Variants in DCAF8L2 observed in about 807,000 individuals in gnomAD.
DCAF8L2 encodes DDB1- and CUL4-associated factor 8-like protein 2.
For missense variants in DCAF8L2, 430 were observed against 490.7 expected, an observed-to-expected ratio of 0.88 and a Z score of 1.17; for synonymous variants, 200 against 190.9, an observed-to-expected ratio of 1.05 and a Z score of -0.39.
chrX:27,597,182 C>A (rs1926400971), intron 1 of DCAF8L2, among the ~76,000 whole-genome samples: 1 of 111,830 alleles, frequency 8.9e-6, no homozygotes, highest in African/African-American at 3.2e-5. Context: ...AAATCATATA[C>A]ATTTTACAAT....
At chrX:27,536,304 T>C in the DCAF8L2 span, among the ~76,000 whole-genome samples, 5 of 112,925 alleles carry the variant, frequency 4.4e-5, no homozygotes, top group African/African-American at 1.6e-4. Flanking sequence ...CCAGGACTGT[T>C]TATAAGGTGA....
chrX:27,610,826 C>G (rs767388435), intron 1 of DCAF8L2, among the ~76,000 whole-genome samples: 1 of 112,495 alleles, frequency 8.9e-6, no homozygotes, highest in Non-Finnish European at 1.9e-5. Flanking sequence ...TAGACTATGG[C>G]ACACTTCAAC....
chrX:27,670,716 C>A (rs1929922858), intron 2 of DCAF8L2, among the ~76,000 whole-genome samples: 1 of 110,738 alleles, frequency 9.0e-6, no homozygotes, highest in Non-Finnish European at 1.9e-5. Flanking sequence ...GAGAAGGGAT[C>A]TTTCATGAAT....
At chrX:27,519,870 TTTC>T in the DCAF8L2 span, 1 of 294,701 alleles carries the variant, frequency 3.4e-6, no homozygotes, top group Non-Finnish European at 5.9e-6. Flanking sequence ...GAATAAATTT[TTTC>T]TTATGATATT....
the DCAF8L2 span, among the ~76,000 whole-genome samples, chrX:27,508,558 C>A: frequency 9.2e-6 from 1 of 108,551 alleles, no homozygotes; most frequent in South Asian, 4.1e-4. Flanking sequence ...GATTCATAAG[C>A]ACAAATTCCC....
At chrX:27,746,486 G>A (rs145788530) in intron 4 of DCAF8L2, among the ~76,000 whole-genome samples, 310 of 111,816 alleles carry the variant, frequency 2.8e-3, no homozygotes, top group African/African-American at 8.9e-3. Context: ...AAAACACTGA[G>A]AGGCTTCTAA....
chrX:27,528,370 A>G, the DCAF8L2 span, among the ~76,000 whole-genome samples: 1 of 106,131 alleles, frequency 9.4e-6, no homozygotes, highest in Admixed American at 1.0e-4. Context: ...ATTTCTAAAA[A>G]CATTAATTTC....
At chrX:27,512,778 G>GAAAAAAA in the DCAF8L2 span, among the ~76,000 whole-genome samples, 1 of 2,523 alleles carries the variant, frequency 4.0e-4, no homozygotes, top group African/African-American at 2.5e-3. Flanking sequence ...ACAATCTTGA[G>GAAAAAAA]CAAAAAAAAA....
Position 27,648,741 on chromosome X carries a change from T to G in DCAF8L2, c.-220+16741T>G, listed in dbSNP as rs769623459. ...AGTCTCAGGTGTTCGAGGCAGTTAC[T>G]GATACACAGGTAGAACAAGGTGGAC... is the stretch of plus-strand genomic sequence containing the variant. On this transcript the variant is annotated intron_variant, in intron 2 of 4. Transcript: ENST00000451261. Among the ~76,000 whole-genome samples, 11 of 111,326 alleles carry G rather than the reference T, an allele frequency of 9.9e-5. No individual in the cohort carries two copies. The East Asian group carries it at 2.8e-3, about 28-fold the overall frequency.
chrX:27,685,603 T>G (rs1602733599), intron 3 of DCAF8L2, among the ~76,000 whole-genome samples: 1 of 112,063 alleles, frequency 8.9e-6, no homozygotes, highest in Non-Finnish European at 1.9e-5. Flanking sequence ...AAAACTTAAA[T>G]GTAAGACCTG....
intron 1 of DCAF8L2, among the ~76,000 whole-genome samples, chrX:27,603,827 A>T (rs1347409216): frequency 9.0e-6 from 1 of 111,576 alleles, no homozygotes; most frequent in East Asian, 2.8e-4. Flanking sequence ...ATTTAAAGGC[A>T]CTCTGTAACC....
chrX:27,676,176 A>G (rs940529282), intron 2 of DCAF8L2, among the ~76,000 whole-genome samples: 17 of 111,281 alleles, frequency 1.5e-4, no homozygotes, highest in African/African-American at 5.6e-4. Flanking sequence ...AGTACTCTGT[A>G]TCTCTTTGTA....
chrX:27,583,014 C>T, the DCAF8L2 span, among the ~76,000 whole-genome samples: 2 of 111,513 alleles, frequency 1.8e-5, no homozygotes, highest in African/African-American at 6.5e-5. Flanking sequence ...TTTTAGTATT[C>T]ATTATTGGAT....
At chrX:27,510,563 A>G in the DCAF8L2 span, among the ~76,000 whole-genome samples, 1 of 107,996 alleles carries the variant, frequency 9.3e-6, no homozygotes, top group Admixed American at 1.0e-4. Context: ...GTATTACTAT[A>G]TATATATATA....
chrX:27,587,995 T>A (rs200223571), upstream of DCAF8L2, among the ~76,000 whole-genome samples: 8,766 of 74,650 alleles, frequency 0.12, 376 homozygotes, highest in African/African-American at 0.17. Context: ...AATATATATA[T>A]ATATATATAT....
the DCAF8L2 span, among the ~76,000 whole-genome samples, chrX:27,533,230 G>GAA: frequency 2.3e-5 from 1 of 43,468 alleles, no homozygotes; most frequent in African/African-American, 6.0e-5. Context: ...AAGAAAGAAA[G>GAA]AAAGAGAAAG....
the DCAF8L2 span, among the ~76,000 whole-genome samples, chrX:27,490,179 C>T: frequency 8.9e-6 from 1 of 112,353 alleles, no homozygotes; most frequent in African/African-American, 3.2e-5. Context: ...TAATTAATGA[C>T]TGGACATTTT....
the DCAF8L2 span, among the ~76,000 whole-genome samples, chrX:27,532,112 G>A: frequency 1.1e-4 from 12 of 109,862 alleles, no homozygotes; most frequent in African/African-American, 3.6e-4. Context: ...TGAGTCTAAA[G>A]CAATGACTGC....
the DCAF8L2 span, among the ~76,000 whole-genome samples, chrX:27,516,458 A>T: frequency 0.053 from 4,750 of 89,812 alleles, 205 homozygotes; most frequent in African/African-American, 0.18. Flanking sequence ...TCTCTCTCAC[A>T]CACACACACA....
Sources: allele counts gnomAD v4.1 joint callset (sites outside exome capture counted in the v4.1 genomes callset), GRCh38; gene constraint gnomAD v4.1.1; transcripts MANE v1.5; gene names NCBI Gene and HGNC (gene_info 2026-07-23, HGNC 2026-07-21).